Variants in MTREX observed in about 807,000 individuals in gnomAD.
MTREX encodes the protein Mtr4 exosome RNA helicase, also known as exosome RNA helicase MTR4.
Under a neutral mutation model 135.4 loss-of-function variants are expected in MTREX, and 76 were observed. That is an observed-to-expected ratio of 0.56 (90% CI 0.47 to 0.68). The LOEUF is 0.68. Ranked by LOEUF, MTREX falls within the 30% of genes least tolerant of loss-of-function variation. The pLI is 0.00. For missense variants in MTREX, 920 were observed against 1,262.1 expected, an observed-to-expected ratio of 0.73 and a Z score of 4.11; for synonymous variants, 404 against 401.6, an observed-to-expected ratio of 1.01 and a Z score of -0.07.
At chr5:55,405,677 C>T in intron 22 of MTREX, 89 bp downstream of exon 22, 1 of 1,169,442 alleles carries the variant, frequency 8.6e-7, no homozygotes, top group Non-Finnish European at 1.2e-6. Context: ...TGGAGTCTCA[C>T]TGTTGCCCAG....
At chr5:55,321,432 T>C (rs1749288332) in intron 1 of MTREX, among the ~76,000 whole-genome samples, 1 of 152,086 alleles carries the variant, frequency 6.6e-6, no homozygotes, top group Admixed American at 6.6e-5. Context: ...CACCCCTAAT[T>C]TTCTGTCCTG....
At position 55,405,433 on chromosome 5, in the gene MTREX, A is replaced by C; in HGVS notation, c.2490A>C (p.Ile830=). 1 of 1,612,336 alleles carries C rather than the reference A, an allele frequency of 6.2e-7. No homozygotes were observed. The highest frequency in any genetic ancestry group is 1.1e-5 in the South Asian group (1 of 90,960). ...TLCEKKAQIA[I]DIKSAKRELK... ...ACTTTCATGTGCTTTAGATTGCAATAGATATTAAATCTGCAAAGCGAGAAC... is the reference window on the plus strand; with the variant it reads ...ACTTTCATGTGCTTTAGATTGCAATCGATATTAAATCTGCAAAGCGAGAAC... Residue 830 remains isoleucine, a synonymous_variant, in exon 22 of 27, where the codon ATA becomes ATC. Transcript: ENST00000230640.
intron 1 of MTREX, among the ~76,000 whole-genome samples, chr5:55,313,211 T>G (rs1393761165): frequency 1.3e-5 from 2 of 148,820 alleles, no homozygotes; most frequent in African/African-American, 2.5e-5. Context: ...CTGAGGCAGG[T>G]GGATTGCCTG....
In MTREX at chr5:55,379,520, G is replaced by A. The variant is rs139469604; in HGVS notation, c.2052+325G>A. 2.3e-4 allele frequency among the ~76,000 whole-genome samples: 35 copies of A among 151,160 alleles called. No homozygotes were observed. In the East Asian group the frequency reaches 6.6e-3, roughly 29 times the overall value. ...ATTTTCTGTGTATCACCTCAACCAT[G>A]AGAAAACTATTAAATGGTGGTGGTG... is the stretch of plus-strand genomic sequence containing the variant. On this transcript the variant is annotated intron_variant, in intron 18 of 26. Coordinates refer to ENST00000230640, the MANE Select transcript of MTREX (RefSeq NM_015360.5).
chr5:55,391,457 A>G lies in MTREX; in HGVS notation c.2181+3355A>G, dbSNP rs551136798. On this transcript the variant is annotated intron_variant, in intron 19 of 26. Transcript: ENST00000230640. ...GCAAGACCCTCTCTCAAAAAAATCA[A>G]TCTCTTTGTCTAAAAAAACATAGTA... is the stretch of plus-strand genomic sequence containing the variant. Among the ~76,000 whole-genome samples the G allele has an allele frequency of 1.1e-3, 166 of 152,198 alleles. 1 individual carries two copies. The highest frequency in any genetic ancestry group is 3.7e-3 in the African/African-American group (154 of 41,510).
At position 55,416,076 on chromosome 5, in the gene MTREX, C is replaced by T; in HGVS notation, c.2915C>T (p.Thr972Ile). 1.3e-6 allele frequency: 2 copies of T among 1,596,304 alleles called. No homozygotes were observed. Among genetic ancestry groups the T allele is most frequent in the Non-Finnish European group, 1.7e-6 (2 of 1,174,442 alleles). The part of the protein sequence containing the change: ...FKPHLMDVVY[T>I]WATGATFAHI... ...CCTCACTTAATGGATGTAGTATATA[C>T]CTGGGCAACTGGAGCTACATTTGCC... The change falls in exon 25 of 27, where the codon ACC becomes ATC. Residue 972 changes from threonine (T) to isoleucine (I), a missense_variant. Thr to Ile is a moderately conservative substitution (Grantham distance 89). Coordinates refer to ENST00000230640, the MANE Select transcript of MTREX (RefSeq NM_015360.5).
chr5:55,397,508 T>G lies in MTREX; in HGVS notation c.2274T>G (p.Ser758Arg). 1 of 1,602,322 alleles carries G rather than the reference T, an allele frequency of 6.2e-7. No homozygotes were observed. The highest frequency in any genetic ancestry group is 8.5e-7 in the Non-Finnish European group (1 of 1,170,776). ...TTCGGCCGGTGGACAATAGACAGAG[T>G]GTTTTAAAATCAATACAGGTATGTG... ...KDLRPVDNRQSVLKSIQEVQK... is the reference protein window; with the variant it reads ...KDLRPVDNRQRVLKSIQEVQK... The change falls in exon 20 of 27, where the codon AGT (serine) becomes AGG (arginine). Residue 758 changes from serine (S) to arginine (R), a missense_variant. By Grantham distance (110) the Ser-to-Arg change is moderately radical. Transcript: ENST00000230640.
At chr5:55,345,468 T>C (rs912653194) in intron 10 of MTREX, among the ~76,000 whole-genome samples, 13 of 152,118 alleles carry the variant, frequency 8.5e-5, no homozygotes, top group Non-Finnish European at 1.9e-4. Flanking sequence ...AATATTTTCA[T>C]GAACCCAAAA....
chr5:55,327,464 A>G lies in MTREX; in HGVS notation c.340-252A>G, dbSNP rs144091985. 411 of 380,568 alleles carry G rather than the reference A, an allele frequency of 1.1e-3. 5 individuals are homozygous for G. The Middle Eastern group carries it at 0.014, about 13-fold the overall frequency. The allele number at this position is 380,568 out of a possible 1,614,324, so 23.6% of individuals were successfully genotyped here. A position where few individuals can be genotyped will look rare whatever the true frequency, so the allele number is the denominator to read the frequency against. On this transcript the variant is annotated intron_variant, in intron 3 of 26. Transcript: ENST00000230640. ...ACTTTAAAAAGTACACAGTTTCCTCAGGGAGATAAACATCAGCTTTCAATT... is the reference window on the plus strand; with the variant it reads ...ACTTTAAAAAGTACACAGTTTCCTCGGGGAGATAAACATCAGCTTTCAATT...
intron 16 of MTREX, among the ~76,000 whole-genome samples, chr5:55,367,498 AAGC>A (rs1002608944): frequency 2.0e-5 from 3 of 151,944 alleles, no homozygotes; most frequent in African/African-American, 4.8e-5. Flanking sequence ...AAAAAAAAAA[AAGC>A]AGCACATGCC....
At chr5:55,315,687 C>T (rs2112022224) in intron 1 of MTREX, among the ~76,000 whole-genome samples, 1 of 152,064 alleles carries the variant, frequency 6.6e-6, no homozygotes, top group South Asian at 2.1e-4. Flanking sequence ...TCTCCATCAA[C>T]TAAGAAGGTG....
chr5:55,340,253 C>G, intron 6 of MTREX, 69 bp downstream of exon 6: 1 of 1,283,870 alleles, frequency 7.8e-7, no homozygotes, highest in Non-Finnish European at 1.0e-6. Context: ...CAGTTAGAAC[C>G]TGGGAAGTTT....
intron 18 of MTREX, among the ~76,000 whole-genome samples, chr5:55,383,482 T>C (rs1268639847): frequency 6.6e-6 from 1 of 152,196 alleles, no homozygotes; most frequent in Non-Finnish European, 1.5e-5. Flanking sequence ...TTTCTTTGAA[T>C]ATGTCAACTC....
chr5:55,353,930 C>T lies in MTREX; in HGVS notation c.1533+661C>T, dbSNP rs563567380. Among the ~76,000 whole-genome samples the T allele has an allele frequency of 6.6e-5, 10 of 152,282 alleles. No homozygotes were observed. The South Asian group carries it at 2.1e-3, about 32-fold the overall frequency. On this transcript the variant is annotated intron_variant, in intron 14 of 26. Coordinates refer to ENST00000230640, the MANE Select transcript of MTREX (RefSeq NM_015360.5). ...TTAAAGCACCACTACAGTGGCTGTACTTGCATCTATTTTGCCCTTCAGATT... is the reference window on the plus strand; with the variant it reads ...TTAAAGCACCACTACAGTGGCTGTATTTGCATCTATTTTGCCCTTCAGATT...
rs1182836195 is a variant in MTREX, at chr5:55,378,378, CTATTA to C, written c.1878_1882del (p.Tyr626Ter). The C allele has an allele frequency of 6.2e-7, 1 of 1,610,600 alleles. No individual in the cohort carries two copies. Among genetic ancestry groups the C allele is most frequent in the Non-Finnish European group, 8.5e-7 (1 of 1,179,046 alleles). The stretch of plus-strand genomic sequence containing the variant: ...TTCCCAATGAAGAAAGTGTGGTTAT[CTATTA>C]TAAGATTAGACAGCAGCTTGCCAAA... On this transcript the variant is annotated frameshift_variant, in exon 17 of 27. Coordinates refer to ENST00000230640, the MANE Select transcript of MTREX (RefSeq NM_015360.5). LOFTEE classifies it high-confidence loss of function.
intron 16 of MTREX, among the ~76,000 whole-genome samples, chr5:55,371,165 C>T (rs6864502): frequency 0.4 from 60,167 of 151,948 alleles, 12,851 homozygotes; most frequent in African/African-American, 0.55. Context: ...ACCTGAGCCT[C>T]AGTTTGTTTA....
intron 22 of MTREX, 105 bp from the exon 23 acceptor site, chr5:55,410,418 TA>T (rs1461559963): frequency 4.0e-5 from 21 of 520,118 alleles, no homozygotes; most frequent in Non-Finnish European, 7.1e-5. Flanking sequence ...GATTACTCCT[TA>T]AGGTCAAATA....
Position 55,327,707 on chromosome 5 carries a change from T to G in MTREX, c.340-9T>G, listed in dbSNP as rs1389736002. ...TGAGGTTTTTTTTTCTTTTTTACTTTGTTGTCAGGTTGCACTTCCTGCAGA... is the reference window on the plus strand; with the variant it reads ...TGAGGTTTTTTTTTCTTTTTTACTTGGTTGTCAGGTTGCACTTCCTGCAGA... On this transcript the variant is annotated splice_polypyrimidine_tract_variant and intron_variant, in intron 3 of 26. Coordinates refer to ENST00000230640, the MANE Select transcript of MTREX (RefSeq NM_015360.5). 1 of 1,610,078 alleles carries G rather than the reference T, an allele frequency of 6.2e-7. No individual in the cohort carries two copies. Among genetic ancestry groups the G allele is most frequent in the Non-Finnish European group, 8.5e-7 (1 of 1,177,488 alleles).
At chr5:55,318,235 G>T (rs1341038858) in intron 1 of MTREX, among the ~76,000 whole-genome samples, 1 of 152,150 alleles carries the variant, frequency 6.6e-6, no homozygotes, top group African/African-American at 2.4e-5. Flanking sequence ...GCTAAAAACA[G>T]ATATACCATT....
Sources: gnomAD v4.1 joint callset for allele counts (sites outside exome capture counted in the v4.1 genomes callset) on GRCh38, gnomAD v4.1.1 for gene constraint, MANE v1.5 for transcripts, NCBI Gene and HGNC (gene_info 2026-07-23, HGNC 2026-07-21) for gene names.